Variants in PKD1L3 observed in about 807,000 individuals in gnomAD.
PKD1L3 encodes the protein polycystin-1-like protein 3.
PKD1L3 carries 239 observed loss-of-function variants against 184.1 expected under a neutral mutation model. That is an observed-to-expected ratio of 1.30 (90% CI 1.17 to 1.45). The LOEUF is 1.45. Among genes scored for constraint, PKD1L3 ranks in the 40% most tolerant of loss-of-function variants. The pLI is 0.00. For missense variants in PKD1L3, 2,660 were observed against 2,067.2 expected, an observed-to-expected ratio of 1.29 and a Z score of -5.56; for synonymous variants, 996 against 778.8, an observed-to-expected ratio of 1.28 and a Z score of -4.64.
In PKD1L3 at chr16:71,982,170, G is replaced by C; in HGVS notation, c.1032C>G (p.Asn344Lys). The C allele has an allele frequency of 6.5e-7, 1 of 1,548,250 alleles. No individual in the cohort carries two copies. Among genetic ancestry groups the C allele is most frequent in the Non-Finnish European group, 8.7e-7 (1 of 1,145,030 alleles). The change falls in exon 7 of 30, where the codon AAC (asparagine) becomes AAG (lysine). Residue 344 changes from asparagine to lysine, a missense_variant. Physicochemically the swap from Asn to Lys is moderately conservative, Grantham distance 94. Coordinates refer to ENST00000620267, the MANE Select transcript of PKD1L3 (RefSeq NM_181536.2). ...GAGGAACTTTGAAGCCCAGACTGTT[G>C]TTGTTCTGAAATGGGATCCTGAGTA... ...EELLRIPFQN[N>K]NSLGFKVPPT... is the part of the protein sequence containing the mutation.
intron 15 of PKD1L3, among the ~76,000 whole-genome samples, chr16:71,963,859 G>C (rs1453002749): frequency 6.6e-6 from 1 of 152,114 alleles, no homozygotes; most frequent in Non-Finnish European, 1.5e-5. Flanking sequence ...CCAGACACCA[G>C]ACTGCAAACC....
chr16:71,997,183 T>C (rs757009344), intron 2 of PKD1L3, among the ~76,000 whole-genome samples: 2 of 152,174 alleles, frequency 1.3e-5, no homozygotes, highest in Non-Finnish European at 2.9e-5. Flanking sequence ...CTGTTATGAA[T>C]AAAGCTGCTA....
intron 9 of PKD1L3, among the ~76,000 whole-genome samples, chr16:71,978,618 C>T (rs973515801): frequency 2.0e-5 from 3 of 150,600 alleles, no homozygotes; most frequent in Admixed American, 1.3e-4. Context: ...CAGCTCACTG[C>T]AATCTCCACC....
At chr16:71,929,839 C>T (rs1049269186) in intron 29 of PKD1L3, 161 bp from the exon 30 acceptor site, 36 of 942,688 alleles carry the variant, frequency 3.8e-5, no homozygotes, top group East Asian at 3.2e-4. Flanking sequence ...CTAATGGTTG[C>T]GAGCCAACTA....
At chr16:71,936,248 C>T (rs1157216985) in intron 25 of PKD1L3, among the ~76,000 whole-genome samples, 1 of 150,618 alleles carries the variant, frequency 6.6e-6, no homozygotes, top group African/African-American at 2.4e-5. Flanking sequence ...TCTTGTCACC[C>T]AGGCTGGAGT....
intron 4 of PKD1L3, among the ~76,000 whole-genome samples, chr16:71,987,353 T>C (rs1372594077): frequency 6.6e-6 from 1 of 151,922 alleles, no homozygotes; most frequent in African/African-American, 2.4e-5. Context: ...CCCAAGCAGC[T>C]GGGACTACAG....
chr16:71,973,621 T>G lies in PKD1L3; in HGVS notation c.1760-104A>C, dbSNP rs373623067. Reference sequence around the variant, plus strand: ...TATTAATATTTTACAAATGAGACCATGATGAAACTAGAGTCACAAATGATT... The same window carrying G: ...TATTAATATTTTACAAATGAGACCAGGATGAAACTAGAGTCACAAATGATT... On this transcript the variant is annotated intron_variant, in intron 11 of 29. Transcript: ENST00000620267. 6.9e-5 allele frequency: 72 copies of G among 1,042,578 alleles called. No homozygotes were observed. The East Asian group carries it at 9.4e-4, about 14-fold the overall frequency. 64.6% of individuals were successfully genotyped at this position (1,042,578 alleles called of 1,614,324 possible). A position where few individuals can be genotyped will look rare whatever the true frequency, so the allele number is the denominator to read the frequency against.
At chr16:71,987,538 A>G (rs1466183499) in intron 4 of PKD1L3, among the ~76,000 whole-genome samples, 3 of 151,676 alleles carry the variant, frequency 2.0e-5, no homozygotes, top group Non-Finnish European at 4.4e-5. Flanking sequence ...ACACCCGGCT[A>G]ATTTTTGTAT....
chr16:71,973,632 G>A, intron 11 of PKD1L3, 115 bp from the exon 12 acceptor site: 1 of 963,744 alleles, frequency 1.0e-6, no homozygotes, highest in Non-Finnish European at 1.5e-6. Flanking sequence ...GATGAAACTA[G>A]AGTCACAAAT....
intron 29 of PKD1L3, 167 bp downstream of exon 29, chr16:71,929,885 T>C: frequency 9.7e-7 from 1 of 1,028,916 alleles, no homozygotes; most frequent in Non-Finnish European, 1.4e-6. Context: ...TTATGTAGTC[T>C]TATAAATTGG....
rs534339904 is a variant in PKD1L3, at chr16:71,929,739, T to TA, written c.5059-62dup. The TA allele has an allele frequency of 4.0e-5, 56 of 1,393,118 alleles. 1 individual carries two copies. The Admixed American group carries it at 4.2e-4, about 10-fold the overall frequency. The allele number at this position is 1,393,118 out of a possible 1,614,324, so 86.3% of individuals were successfully genotyped here. ...ATTGAAATTACTGCTAATAGTGGAG[T>TA]AAAAAAAGTACCAAAGATTTTTAAA... On this transcript the variant is annotated intron_variant, in intron 29 of 29. Coordinates refer to ENST00000620267, the MANE Select transcript of PKD1L3 (RefSeq NM_181536.2).
At chr16:71,968,101 A>G in intron 13 of PKD1L3, 94 bp from the exon 14 acceptor site, 1 of 1,009,720 alleles carries the variant, frequency 9.9e-7, no homozygotes, top group Non-Finnish European at 1.5e-6. Flanking sequence ...GAACTCCGGC[A>G]GGTGTCTGGC....
chr16:71,953,988 G>A, intron 17 of PKD1L3, 117 bp downstream of exon 17: 2 of 833,564 alleles, frequency 2.4e-6, no homozygotes, highest in Non-Finnish European at 3.5e-6. Context: ...GGCTGAGGCA[G>A]GAGGATCACT....
chr16:71,947,745 A>G (rs2038673935), intron 21 of PKD1L3, among the ~76,000 whole-genome samples, 154 bp from the exon 22 acceptor site: 1 of 152,188 alleles, frequency 6.6e-6, no homozygotes, highest in Non-Finnish European at 1.5e-5. Context: ...TTTTTGCACA[A>G]TGATGGGTAC....
At position 71,993,067 on chromosome 16, in the gene PKD1L3, G is replaced by A. The variant is rs1011080715; in HGVS notation, c.535+149C>T. 6.0e-6 allele frequency: 3 copies of A among 501,462 alleles called. No homozygotes were observed. In the Admixed American group the frequency reaches 1.3e-4, roughly 21 times the overall value. The allele number at this position is 501,462 out of a possible 1,614,324, so 31.1% of individuals were successfully genotyped here. ...AACACATACATAAAATGAAGGCAAA[G>A]ACTGCCATATTAAGATCAGACAGAA... On this transcript the variant is annotated intron_variant, in intron 3 of 29. Transcript: ENST00000620267.
rs1055713077 is a variant in PKD1L3 at position 71,983,929 on chromosome 16, C to T, written c.966+107G>A. The T allele has an allele frequency of 7.1e-6, 10 of 1,416,102 alleles. No individual in the cohort carries two copies. In the Admixed American group the frequency reaches 9.3e-5, roughly 13 times the overall value. The allele number at this position is 1,416,102 out of a possible 1,614,324, so 87.7% of individuals were successfully genotyped here. On this transcript the variant is annotated intron_variant, in intron 6 of 29. Coordinates refer to ENST00000620267, the MANE Select transcript of PKD1L3 (RefSeq NM_181536.2). ...CCGCCCGCCTCGGCCTTCTAAAGTG[C>T]TGGGATTACAGGCGTGAGCCACCGC...
chr16:71,973,346 G>A lies in PKD1L3; in HGVS notation c.1931C>T (p.Thr644Ile). ...TACTTGGCATCCGGCGCTGCTCCATGTCTGGTTGTGGATCTCCCAGTAGTA... is the reference window on the plus strand; with the variant it reads ...TACTTGGCATCCGGCGCTGCTCCATATCTGGTTGTGGATCTCCCAGTAGTA... ...QCYYWEIHNQ[T>I]WSSAGCQVGP... Residue 644 changes from threonine (T) to isoleucine (I), a missense_variant, in exon 12 of 30, where the codon ACA (threonine) becomes ATA (isoleucine). Physicochemically the swap from Thr to Ile is moderately conservative, Grantham distance 89. Coordinates refer to ENST00000620267, the MANE Select transcript of PKD1L3 (RefSeq NM_181536.2). 1.9e-6 allele frequency: 3 copies of A among 1,551,676 alleles called. No individual in the cohort carries two copies. Among genetic ancestry groups the A allele is most frequent in the Non-Finnish European group, 2.6e-6 (3 of 1,147,014 alleles).
chr16:71,937,305 T>C lies in PKD1L3; in HGVS notation c.4439A>G (p.Tyr1480Cys), dbSNP rs1339149688. The change falls in exon 25 of 30, where the codon TAT (tyrosine) becomes TGT (cysteine). Residue 1480 changes from tyrosine (Y) to cysteine (C), a missense_variant. Physicochemically the swap from Tyr to Cys is radical, Grantham distance 194. Coordinates refer to ENST00000620267, the MANE Select transcript of PKD1L3 (RefSeq NM_181536.2). The stretch of plus-strand genomic sequence containing the variant: ...TTATTGACTCACCTGTATGAAGGCA[T>C]AGTAACAGACCAGTAGATAATAGAT... ...QVIYYLLVCY[Y>C]AFIQGCQLKQ... 8 of 1,551,390 alleles carry C rather than the reference T, an allele frequency of 5.2e-6. No homozygotes were observed. Among genetic ancestry groups the C allele is most frequent in the Non-Finnish European group, 5.2e-6 (6 of 1,146,868 alleles).
In PKD1L3 at chr16:71,959,037, T is replaced by C. The variant is rs555059603; in HGVS notation, c.2612+4168A>G. Among the ~76,000 whole-genome samples the C allele has an allele frequency of 9.1e-4, 132 of 144,362 alleles. 2 individuals carry two copies. Among genetic ancestry groups the C allele is most frequent in the Middle Eastern group, 7.8e-3 (2 of 258 alleles). The allele number at this position is 144,362 out of a possible 152,430, so 94.7% of individuals were successfully genotyped here. ...AGGCAGAGGTTATAGTAAGCTGAGA[T>C]TGCACCACTGCACTCCAGCCTGGAT... On this transcript the variant is annotated intron_variant, in intron 16 of 29. Coordinates refer to ENST00000620267, the MANE Select transcript of PKD1L3 (RefSeq NM_181536.2).
Sources: allele counts gnomAD v4.1 joint callset (sites outside exome capture counted in the v4.1 genomes callset), GRCh38; gene constraint gnomAD v4.1.1; transcripts MANE v1.5; gene names NCBI Gene and HGNC (gene_info 2026-07-23, HGNC 2026-07-21).